Variants in PARD6G observed in about 807,000 individuals in gnomAD.
PARD6G encodes partitioning defective 6 homolog gamma.
PARD6G carries 7 observed loss-of-function variants against 10.7 expected under a neutral mutation model. The observed-to-expected ratio is 0.66, with a 90% CI of 0.37 to 1.23. The LOEUF is 1.23. PARD6G is among the 50% of genes most tolerant of loss of function. The pLI, the probability that PARD6G is intolerant of heterozygous loss-of-function variation, is 0.02. For synonymous variants in PARD6G, 287 were observed against 269.4 expected, an observed-to-expected ratio of 1.07 and a Z score of -0.64; for missense variants, 548 against 571.8, an observed-to-expected ratio of 0.96 and a Z score of 0.42.
In PARD6G at chr18:80,247,227, A is replaced by C. The variant is rs781570090; in HGVS notation, c.72+50T>G. 2.1e-6 allele frequency: 3 copies of C among 1,460,178 alleles called. No homozygotes were observed. The highest frequency in any genetic ancestry group is 2.8e-6 in the Non-Finnish European group (3 of 1,073,702). The allele number at this position is 1,460,178 out of a possible 1,614,324, so 90.5% of individuals were successfully genotyped here. ...TCCCCCTCCGCGGGGCGCCCCATTC[A>C]TTAGCCAGGAGACTGGGCGCAGGGC... On this transcript the variant is annotated intron_variant, in intron 1 of 2. Coordinates refer to ENST00000353265, the MANE Select transcript of PARD6G (RefSeq NM_032510.4). The surrounding 1 kb of genome is among the most constrained non-coding windows in gnomAD (Gnocchi z 4.2).
At chr18:80,174,908 C>T (rs1160364595) in intron 2 of PARD6G, among the ~76,000 whole-genome samples, 2 of 152,032 alleles carry the variant, frequency 1.3e-5, no homozygotes, top group African/African-American at 4.8e-5. Context: ...GAGATTGTAC[C>T]ACTGCACTCC....
chr18:80,167,793 C>A (rs1353218865), intron 2 of PARD6G, among the ~76,000 whole-genome samples: 1 of 152,136 alleles, frequency 6.6e-6, no homozygotes, highest in Non-Finnish European at 1.5e-5. Flanking sequence ...CCACCCTGTA[C>A]AAAGGCAGGT....
At chr18:80,218,569 C>T (rs192889499) in intron 1 of PARD6G, among the ~76,000 whole-genome samples, 1 of 152,258 alleles carries the variant, frequency 6.6e-6, no homozygotes, top group East Asian at 1.9e-4. Flanking sequence ...CTTTCATGGG[C>T]TGGTATTGAG....
chr18:80,171,671 C>T (rs1251614086), intron 2 of PARD6G: 9 of 152,240 alleles, frequency 5.9e-5, no homozygotes, highest in Admixed American at 5.9e-4. Flanking sequence ...CATTAATCTA[C>T]TTTCTGTCTC....
chr18:80,177,972 T>TATACACAC, intron 2 of PARD6G: 1 of 152,048 alleles, frequency 6.6e-6, no homozygotes, highest in East Asian at 2.0e-4. Flanking sequence ...AGCGTGTGCA[T>TATACACAC]ACACACACAC....
intron 1 of PARD6G, among the ~76,000 whole-genome samples, chr18:80,237,750 TC>T (rs1201567702): frequency 6.6e-6 from 1 of 152,236 alleles, no homozygotes; most frequent in Non-Finnish European, 1.5e-5. Flanking sequence ...GAAAAAATGT[TC>T]ATCATCACTG....
At chr18:80,160,696 G>A in intron 2 of PARD6G, 90 bp from the exon 3 acceptor site, 1 of 1,415,768 alleles carries the variant, frequency 7.1e-7, no homozygotes, top group Non-Finnish European at 9.2e-7. Context: ...TGTTCCATCT[G>A]CGTGACGCCG....
rs1469417548 is a variant in PARD6G at position 80,201,118 on chromosome 18, G to A, written c.295+1592C>T. Among the ~76,000 whole-genome samples the A allele has an allele frequency of 1.3e-5, 2 of 152,068 alleles. No homozygotes were observed. The highest frequency in any genetic ancestry group is 1.3e-4 in the Admixed American group (2 of 15,274). ...CGCTCCTGGTCGGGTGGAGACAGAC[G>A]GCAAACCAGCTCTGGGAGCAATGGA... On this transcript the variant is annotated intron_variant, in intron 2 of 2. Transcript: ENST00000353265. The surrounding 1 kb of genome is among the most constrained non-coding windows in gnomAD (Gnocchi z 5.9).
chr18:80,233,345 A>C (rs1476902099), intron 1 of PARD6G, among the ~76,000 whole-genome samples: 1 of 152,200 alleles, frequency 6.6e-6, no homozygotes, highest in East Asian at 1.9e-4. Flanking sequence ...CACAGGACCC[A>C]GGAGGCCTGT....
At chr18:80,217,131 T>C (rs1967176948) in intron 1 of PARD6G, among the ~76,000 whole-genome samples, 1 of 152,098 alleles carries the variant, frequency 6.6e-6, no homozygotes, top group Non-Finnish European at 1.5e-5. Context: ...ATCATGTGGG[T>C]ATGTCAAAGG....
Position 80,159,096 on chromosome 18 carries a change from C to G in PARD6G, c.*675G>C, listed in dbSNP as rs2052676046. ...CTCTGCCTCCCGGGTTCAAGCGATT[C>G]TCCTGCCTCAGCCTCCCAAGGTAGC... On this transcript the variant is annotated 3_prime_UTR_variant, in exon 3 of 3. Transcript: ENST00000353265. 6.6e-6 allele frequency: 1 copy of G among 151,688 alleles called. No homozygotes were observed. The highest frequency in any genetic ancestry group is 2.1e-4 in the South Asian group (1 of 4,810). 9.4% of individuals were successfully genotyped at this position (151,688 alleles called of 1,614,324 possible).
intron 1 of PARD6G, among the ~76,000 whole-genome samples, chr18:80,215,195 C>A (rs990324912): frequency 1.3e-5 from 2 of 152,026 alleles, no homozygotes; most frequent in Admixed American, 6.6e-5. Flanking sequence ...GAATAATAAA[C>A]AAATAACACT....
intron 2 of PARD6G, 30 bp from the exon 3 acceptor site, chr18:80,160,636 A>C: frequency 7.0e-7 from 1 of 1,432,094 alleles, no homozygotes; most frequent in Non-Finnish European, 9.1e-7. Flanking sequence ...TAGAGGGGAC[A>C]CACAACCGAG....
At chr18:80,235,549 A>C (rs1967411419) in intron 1 of PARD6G, among the ~76,000 whole-genome samples, 1 of 152,130 alleles carries the variant, frequency 6.6e-6, no homozygotes, top group African/African-American at 2.4e-5. Flanking sequence ...AAAACCCTTC[A>C]AAAAAATCAA....
rs1266289027 is a variant in PARD6G at position 80,189,712 on chromosome 18, C to T, written c.295+12998G>A. Among the ~76,000 whole-genome samples the T allele has an allele frequency of 6.6e-6, 1 of 152,120 alleles. No individual in the cohort carries two copies. Reference sequence around the variant, plus strand: ...CGTCCCCTGGGAGTCCCCCGTCCGTCGTTGAGGCTGTTCTTTCATCTCCCA... The same window carrying T: ...CGTCCCCTGGGAGTCCCCCGTCCGTTGTTGAGGCTGTTCTTTCATCTCCCA... On this transcript the variant is annotated intron_variant, in intron 2 of 2. Transcript: ENST00000353265. This position sits in a 1 kb window ranked among gnomAD's most constrained non-coding sequence, Gnocchi z 5.5.
At chr18:80,198,828 G>T (rs926649679) in intron 2 of PARD6G, among the ~76,000 whole-genome samples, 4 of 152,202 alleles carry the variant, frequency 2.6e-5, no homozygotes, top group Non-Finnish European at 5.9e-5. Flanking sequence ...CAGATCCAGG[G>T]GTCTGATCAT....
At chr18:80,207,012 A>T (rs968581432) in intron 1 of PARD6G, among the ~76,000 whole-genome samples, 1 of 150,762 alleles carries the variant, frequency 6.6e-6, no homozygotes, top group Non-Finnish European at 1.5e-5. Context: ...TTATCAATAA[A>T]GACTTAACAG....
At chr18:80,223,742 C>T (rs536639471) in intron 1 of PARD6G, among the ~76,000 whole-genome samples, 21 of 152,302 alleles carry the variant, frequency 1.4e-4, no homozygotes, top group African/African-American at 4.6e-4. Context: ...ACCCCGAGGA[C>T]GGCACCAGCA....
intron 1 of PARD6G, among the ~76,000 whole-genome samples, chr18:80,226,655 C>A (rs1967296601): frequency 6.6e-6 from 1 of 152,104 alleles, no homozygotes; most frequent in African/African-American, 2.4e-5. Flanking sequence ...GGCAGTACCC[C>A]TGATTCACAG....
Sources: gnomAD v4.1 joint callset for allele counts (sites outside exome capture counted in the v4.1 genomes callset) on GRCh38, gnomAD v4.1.1 for gene constraint, Gnocchi (gnomAD v3.1) non-coding constraint, MANE v1.5 for transcripts, NCBI Gene and HGNC (gene_info 2026-07-23, HGNC 2026-07-21) for gene names.